The following GAD2 variants were observed in gnomAD, a reference collection of about 807,000 sequenced individuals.
GAD2 encodes glutamate decarboxylase 2, also known as 65 kDa glutamic acid decarboxylase.
In GAD2, 22 loss-of-function variants were observed where a neutral mutation model predicts 80.1. That is an observed-to-expected ratio of 0.27 (90% CI 0.20 to 0.39). The LOEUF (loss-of-function observed/expected upper bound fraction) is 0.39, where lower values mean the gene tolerates loss of function less well. Ranked by LOEUF, GAD2 falls within the 10% of genes least tolerant of loss-of-function variation. The pLI is 1.00. For synonymous variants in GAD2, 274 were observed against 256.9 expected (o/e 1.07, Z -0.64); for missense variants, 624 against 738.4 (o/e 0.85, Z 1.80).
chr10:26,247,215 A>G (rs182138585), intron 8 of GAD2, among the ~76,000 whole-genome samples: 1 of 152,220 alleles, frequency 6.6e-6, no homozygotes, highest in Non-Finnish European at 1.5e-5. Context: ...TTTAGACCAT[A>G]TAGAGTAACT....
chr10:26,267,168 G>A (rs1845082409), intron 8 of GAD2, among the ~76,000 whole-genome samples: 1 of 152,156 alleles, frequency 6.6e-6, no homozygotes, highest in South Asian at 2.1e-4. Context: ...AGGCAAAGGT[G>A]TTTAGCTTTT....
chr10:26,294,050 G>T (rs1256449521), intron 15 of GAD2, among the ~76,000 whole-genome samples: 1 of 152,198 alleles, frequency 6.6e-6, no homozygotes. Flanking sequence ...GGGTGAAATG[G>T]GGTTTACAGT....
At chr10:26,253,158 A>G (rs1021840701) in intron 8 of GAD2, among the ~76,000 whole-genome samples, 2 of 152,222 alleles carry the variant, frequency 1.3e-5, no homozygotes, top group Non-Finnish European at 2.9e-5. Context: ...GTAATGTAAA[A>G]CTTCAGTTCT....
chr10:26,245,937 A>G lies in GAD2; in HGVS notation c.857A>G (p.Lys286Arg), dbSNP rs8190671. 1 of 1,613,932 alleles carries G rather than the reference A, an allele frequency of 6.2e-7. No homozygotes were observed. Among genetic ancestry groups the G allele is most frequent in the East Asian group, 2.2e-5 (1 of 44,878 alleles). ...TTTTTACAGAGTCATTTTTCTCTCAAGAAGGGAGCTGCAGCCTTAGGGATT... is the reference window on the plus strand; with the variant it reads ...TTTTTACAGAGTCATTTTTCTCTCAGGAAGGGAGCTGCAGCCTTAGGGATT... ...FTSEHSHFSL[K>R]KGAAALGIGT... Residue 286 changes from lysine to arginine, a missense_variant, in exon 8 of 16, where the codon AAG becomes AGG. Physicochemically the swap from Lys to Arg is conservative, Grantham distance 26 (BLOSUM62 2). Coordinates refer to ENST00000376261, the MANE Select transcript of GAD2 (RefSeq NM_001134366.2).
At chr10:26,275,374 T>G (rs1167042532) in intron 11 of GAD2, among the ~76,000 whole-genome samples, 1 of 152,180 alleles carries the variant, frequency 6.6e-6, no homozygotes, top group Non-Finnish European at 1.5e-5. Flanking sequence ...ACCCTGAGCC[T>G]TAGAAAAATA....
chr10:26,226,179 GA>G (rs1224371127), intron 6 of GAD2, among the ~76,000 whole-genome samples: 11 of 152,128 alleles, frequency 7.2e-5, no homozygotes, highest in African/African-American at 2.7e-4. Flanking sequence ...TGTACCTGTT[GA>G]CCCTGAAAAT....
intron 15 of GAD2, among the ~76,000 whole-genome samples, chr10:26,295,073 G>A (rs56086837): frequency 0.24 from 34,025 of 141,406 alleles, 4,144 homozygotes; most frequent in African/African-American, 0.4. Context: ...TGGGAATACA[G>A]AATAAAAACT....
chr10:26,251,901 T>C (rs1844884900), intron 8 of GAD2, among the ~76,000 whole-genome samples: 2 of 152,218 alleles, frequency 1.3e-5, no homozygotes, highest in East Asian at 3.8e-4. Flanking sequence ...TTGAAGTGTT[T>C]GGGTTCAGAA....
At chr10:26,273,755 C>T (rs1845166104) in intron 11 of GAD2, 55 bp downstream of exon 11, 2 of 1,430,432 alleles carry the variant, frequency 1.4e-6, no homozygotes, top group South Asian at 1.2e-5. Flanking sequence ...AACTGTGAAA[C>T]ACAAATTACA....
At position 26,284,013 on chromosome 10, in the gene GAD2, T is replaced by C. The variant is rs191542005; in HGVS notation, c.1237-2332T>C. 4.6e-3 allele frequency among the ~76,000 whole-genome samples: 703 copies of C among 152,270 alleles called. 9 individuals carry two copies. Among genetic ancestry groups the C allele is most frequent in the African/African-American group, 0.016 (663 of 41,556 alleles). On this transcript the variant is annotated intron_variant, in intron 12 of 15. Transcript: ENST00000376261. The stretch of plus-strand genomic sequence containing the variant: ...CTGTCCAACAATAGGAATAAGTTAA[T>C]AAGGGGAGGAGATTAAATAGAGAGA...
rs1483485969 is a variant in GAD2, at chr10:26,229,729, G to A, written c.792G>A (p.Glu264=). 9 of 1,614,056 alleles carry A rather than the reference G, an allele frequency of 5.6e-6. No homozygotes were observed. Among genetic ancestry groups the A allele is most frequent in the Non-Finnish European group, 6.8e-6 (8 of 1,180,032 alleles). Reference sequence around the variant, plus strand: ...TTAAGATGTTCCCAGAAGTCAAGGAGAAAGGAATGGCTGCTCTTCCCAGGC... The same window carrying A: ...TTAAGATGTTCCCAGAAGTCAAGGAAAAAGGAATGGCTGCTCTTCCCAGGC... ...ARFKMFPEVK[E]KGMAALPRLI... is the part of the protein sequence containing the mutation. Residue 264 remains glutamate, a synonymous_variant, in exon 7 of 16, where the codon GAG becomes GAA. Transcript: ENST00000376261.
chr10:26,283,105 G>T (rs1845290995), intron 12 of GAD2, among the ~76,000 whole-genome samples: 1 of 152,226 alleles, frequency 6.6e-6, no homozygotes, highest in Non-Finnish European at 1.5e-5. Flanking sequence ...AAAATAGAAA[G>T]ATTTGGAACT....
chr10:26,252,576 C>T (rs1241375343), intron 8 of GAD2, among the ~76,000 whole-genome samples: 1 of 152,058 alleles, frequency 6.6e-6, no homozygotes, highest in Admixed American at 6.5e-5. Flanking sequence ...GTCTTGAACT[C>T]CTGACCTCAG....
At position 26,304,455 on chromosome 10, in the gene GAD2, A is replaced by G. The variant is rs1442909227; in HGVS notation, c.*3494A>G. ...AAATAAAAACATAAAATATACAAAC[A>G]TGTGGCAACCTGTTCTTCCTACCAA... On this transcript the variant is annotated 3_prime_UTR_variant, in exon 16 of 16. Transcript: ENST00000376261. 1.3e-5 allele frequency: 2 copies of G among 152,636 alleles called. No individual in the cohort carries two copies. Among genetic ancestry groups the G allele is most frequent in the African/African-American group, 4.8e-5 (2 of 41,446 alleles). The allele number at this position is 152,636 out of a possible 1,614,324, so 9.5% of individuals were successfully genotyped here.
rs774645456 is a variant in GAD2, at chr10:26,216,905, CCTG to C, written c.76+22_76+24del. ...GCACAGGTAGGAAGGAGAACGGGGG[CCTG>C]CGGCGGGCGAGTTTTGCGGTGGTCT... On this transcript the variant is annotated intron_variant, in intron 1 of 15. Transcript: ENST00000376261. The surrounding 1 kb of genome is among the most constrained non-coding windows in gnomAD (Gnocchi z 4.7). 25 of 1,597,622 alleles carry C rather than the reference CCTG, an allele frequency of 1.6e-5. No individual in the cohort carries two copies. Among genetic ancestry groups the C allele is most frequent in the Non-Finnish European group, 2.1e-5 (25 of 1,170,176 alleles).
chr10:26,300,331 G>C (rs1834315289), intron 15 of GAD2, among the ~76,000 whole-genome samples: 2 of 152,134 alleles, frequency 1.3e-5, no homozygotes, highest in Non-Finnish European at 2.9e-5. Context: ...AAGCTCTGGG[G>C]TTTCAAGAAA....
At chr10:26,291,389 A>G (rs1444939377) in intron 13 of GAD2, among the ~76,000 whole-genome samples, 2 of 152,208 alleles carry the variant, frequency 1.3e-5, no homozygotes, top group Non-Finnish European at 2.9e-5. Flanking sequence ...TCAGGAACCC[A>G]TCAGCCTCCT....
chr10:26,225,768 G>A (rs1172196582), intron 6 of GAD2, among the ~76,000 whole-genome samples: 1 of 152,232 alleles, frequency 6.6e-6, no homozygotes, highest in African/African-American at 2.4e-5. Flanking sequence ...AATTTTTCAG[G>A]TGCTGAAGGA....
chr10:26,286,701 T>G (rs1422735855), intron 13 of GAD2, among the ~76,000 whole-genome samples: 1 of 152,216 alleles, frequency 6.6e-6, no homozygotes. Context: ...GCCAAATTGA[T>G]TCAAATGCTC....
Sources: gnomAD v4.1 joint callset for allele counts (sites outside exome capture counted in the v4.1 genomes callset) on GRCh38, gnomAD v4.1.1 for gene constraint, Gnocchi (gnomAD v3.1) non-coding constraint, MANE v1.5 for transcripts, NCBI Gene and HGNC (gene_info 2026-07-23, HGNC 2026-07-21) for gene names.